The following GNA12 variants were observed in gnomAD, a reference collection of about 807,000 sequenced individuals.
The protein encoded by GNA12 is guanine nucleotide-binding protein subunit alpha-12.
Under a neutral mutation model 26.0 loss-of-function variants are expected in GNA12, and 9 were observed. The ratio of observed to expected loss-of-function variants is 0.35; its 90% CI spans 0.21 to 0.60. The LOEUF is 0.60. GNA12 is among the 20% of genes least tolerant of loss of function. The probability of loss-of-function intolerance (pLI) is 0.78; values close to 1 mark genes in which losing one functional copy is unlikely to be tolerated. For missense variants in GNA12, 405 were observed against 525.8 expected, an observed-to-expected ratio of 0.77 and a Z score of 2.25; for synonymous variants, 264 against 219.6, an observed-to-expected ratio of 1.20 and a Z score of -1.79.
intron 1 of GNA12, among the ~76,000 whole-genome samples, chr7:2,810,787 A>G (rs578150841): frequency 6.6e-6 from 1 of 152,170 alleles, no homozygotes; most frequent in Non-Finnish European, 1.5e-5. Context: ...GATCCCAGCT[A>G]CGTGGGAGGT....
At chr7:2,843,133 C>T (rs1016277929) in intron 1 of GNA12, among the ~76,000 whole-genome samples, 1 of 151,670 alleles carries the variant, frequency 6.6e-6, no homozygotes, top group Non-Finnish European at 1.5e-5. Flanking sequence ...AAAAGAGACT[C>T]ATGGCTGGTT....
intron 2 of GNA12, among the ~76,000 whole-genome samples, chr7:2,794,418 G>T (rs892957265): frequency 1.1e-4 from 17 of 152,110 alleles, no homozygotes; most frequent in Admixed American, 6.5e-5. Context: ...AGATTTTCTG[G>T]TTATAGATTC....
intron 2 of GNA12, among the ~76,000 whole-genome samples, chr7:2,761,527 G>T (rs1791555607): frequency 2.0e-5 from 3 of 152,194 alleles, no homozygotes; most frequent in African/African-American, 7.2e-5. Flanking sequence ...AAAAAGAGCT[G>T]GAACGGACAG....
intron 1 of GNA12, among the ~76,000 whole-genome samples, chr7:2,837,229 A>C (rs1342100386): frequency 1.3e-5 from 2 of 151,858 alleles, no homozygotes; most frequent in African/African-American, 4.8e-5. Context: ...GGGAGGGGGG[A>C]AGGCTGGATT....
chr7:2,758,539 G>A (rs1448359295), intron 2 of GNA12, among the ~76,000 whole-genome samples: 1 of 152,142 alleles, frequency 6.6e-6, no homozygotes, highest in Non-Finnish European at 1.5e-5. Flanking sequence ...TATCTCCTGT[G>A]ATTGGGCGAC....
chr7:2,788,004 A>C (rs1792407645), intron 2 of GNA12, among the ~76,000 whole-genome samples: 1 of 152,064 alleles, frequency 6.6e-6, no homozygotes, highest in African/African-American at 2.4e-5. Flanking sequence ...AAATACAAAA[A>C]ATTAGCCGGG....
At chr7:2,749,477 C>T (rs1009217215) in intron 2 of GNA12, among the ~76,000 whole-genome samples, 9 of 123,682 alleles carry the variant, frequency 7.3e-5, no homozygotes, top group African/African-American at 1.6e-4. Context: ...CACATGGACA[C>T]GGGAAGGGGA....
chr7:2,780,343 T>G (rs1792196913), intron 2 of GNA12, among the ~76,000 whole-genome samples: 1 of 152,030 alleles, frequency 6.6e-6, no homozygotes, highest in African/African-American at 2.4e-5. Flanking sequence ...CAAATAATCT[T>G]TGCATATTGA....
chr7:2,806,376 A>G (rs774250893), intron 1 of GNA12, among the ~76,000 whole-genome samples: 2 of 147,406 alleles, frequency 1.4e-5, no homozygotes, highest in Non-Finnish European at 3.0e-5. Context: ...AATCCCAGCT[A>G]CTCGGGAGGC....
At chr7:2,753,177 C>G (rs1014608807) in intron 2 of GNA12, among the ~76,000 whole-genome samples, 3 of 151,206 alleles carry the variant, frequency 2.0e-5, no homozygotes, top group Non-Finnish European at 2.9e-5. Flanking sequence ...AAAAAAGAGA[C>G]AGGGTCTTAC....
intron 1 of GNA12, 101 bp from the exon 2 acceptor site, chr7:2,795,244 C>T (rs1188391717): frequency 2.4e-6 from 2 of 840,878 alleles, no homozygotes; most frequent in African/African-American, 3.4e-5. Context: ...ACGCAGAAAA[C>T]TCACAAGCTC....
intron 2 of GNA12, among the ~76,000 whole-genome samples, chr7:2,772,745 G>C (rs180891420): frequency 3.5e-4 from 53 of 152,238 alleles, no homozygotes; most frequent in Admixed American, 5.9e-4. Flanking sequence ...AGTACGGCCA[G>C]TTTGGAGAAA....
chr7:2,839,132 G>A (rs1242018492), intron 1 of GNA12, among the ~76,000 whole-genome samples: 1 of 152,174 alleles, frequency 6.6e-6, no homozygotes, highest in African/African-American at 2.4e-5. Flanking sequence ...TCCTAGGCCA[G>A]AAAACAAACC....
At chr7:2,777,066 G>A (rs1415253295) in intron 2 of GNA12, among the ~76,000 whole-genome samples, 2 of 152,144 alleles carry the variant, frequency 1.3e-5, no homozygotes, top group Non-Finnish European at 2.9e-5. Context: ...CTTCCTGGTG[G>A]TAAATACAGC....
chr7:2,738,919 G>A lies in GNA12; in HGVS notation c.526-5418C>T, dbSNP rs1452950459. On this transcript the variant is annotated intron_variant, in intron 2 of 3. Coordinates refer to ENST00000275364, the MANE Select transcript of GNA12 (RefSeq NM_007353.3). ...GGCCACGCTTTGGCCCCCTTGCCCTGTGTGTAGCCTCGTGGCTGTGCCTGT... is the reference window on the plus strand; with the variant it reads ...GGCCACGCTTTGGCCCCCTTGCCCTATGTGTAGCCTCGTGGCTGTGCCTGT... Among the ~76,000 whole-genome samples, 3 of 152,196 alleles carry A rather than the reference G, an allele frequency of 2.0e-5. No individual in the cohort carries two copies. In the South Asian group the frequency reaches 6.2e-4, roughly 31 times the overall value.
intron 1 of GNA12, among the ~76,000 whole-genome samples, chr7:2,821,019 C>T (rs1448102383): frequency 1.3e-5 from 2 of 152,226 alleles, no homozygotes; most frequent in Non-Finnish European, 2.9e-5. Flanking sequence ...GGATTACAGG[C>T]GTGAGCCACC....
intron 1 of GNA12, among the ~76,000 whole-genome samples, chr7:2,805,707 T>C (rs1011456442): frequency 1.1e-4 from 17 of 152,224 alleles, no homozygotes; most frequent in African/African-American, 3.6e-4. Context: ...TTTTTAAAAA[T>C]AGTAATTAAA....
At chr7:2,816,374 G>A (rs552369092) in intron 1 of GNA12, among the ~76,000 whole-genome samples, 135 of 152,198 alleles carry the variant, frequency 8.9e-4, no homozygotes, top group Non-Finnish European at 1.6e-3. Context: ...GGGATTACAG[G>A]TGCCTGCCAC....
intron 2 of GNA12, among the ~76,000 whole-genome samples, chr7:2,781,503 C>G (rs932763321): frequency 4.0e-5 from 6 of 150,792 alleles, no homozygotes; most frequent in Non-Finnish European, 8.9e-5. Flanking sequence ...TTATCTAATT[C>G]TGCACCAACA....
Sources: gnomAD v4.1 joint callset for allele counts (sites outside exome capture counted in the v4.1 genomes callset) on GRCh38, gnomAD v4.1.1 for gene constraint, MANE v1.5 for transcripts, NCBI Gene and HGNC (gene_info 2026-07-23, HGNC 2026-07-21) for gene names.